The following DNER variants were observed in gnomAD, a reference collection of about 807,000 sequenced individuals.
DNER encodes delta and Notch-like epidermal growth factor-related receptor.
DNER carries 33 observed loss-of-function variants against 78.2 expected under a neutral mutation model. The ratio of observed to expected loss-of-function variants is 0.42; its 90% CI spans 0.32 to 0.56. The LOEUF (loss-of-function observed/expected upper bound fraction) is 0.56, where lower values mean the gene tolerates loss of function less well. DNER is among the 20% of genes least tolerant of loss of function. The pLI, the probability that DNER is intolerant of heterozygous loss-of-function variation, is 0.11. For missense variants in DNER, 918 were observed against 975.3 expected, an observed-to-expected ratio of 0.94 and a Z score of 0.78; for synonymous variants, 417 against 384.8, an observed-to-expected ratio of 1.08 and a Z score of -0.98.
chr2:229,448,324 G>A (rs1292337208), intron 7 of DNER, among the ~76,000 whole-genome samples: 1 of 152,210 alleles, frequency 6.6e-6, no homozygotes, highest in Non-Finnish European at 1.5e-5. Context: ...AAGCAAATCT[G>A]TAGATACAGA....
intron 6 of DNER, among the ~76,000 whole-genome samples, chr2:229,482,893 C>A (rs1239314156): frequency 6.6e-6 from 1 of 151,992 alleles, no homozygotes; most frequent in Non-Finnish European, 1.5e-5. Context: ...ATCTCTAGAA[C>A]CAGGTAGGGA....
At chr2:229,592,736 G>A (rs144033573) in intron 1 of DNER, among the ~76,000 whole-genome samples, 1 of 152,116 alleles carries the variant, frequency 6.6e-6, no homozygotes, top group African/African-American at 2.4e-5. Flanking sequence ...ATAGCGCAAG[G>A]GTTCAGTCAT....
intron 8 of DNER, among the ~76,000 whole-genome samples, chr2:229,436,843 A>C (rs1461898754): frequency 6.6e-6 from 1 of 152,220 alleles, no homozygotes; most frequent in Non-Finnish European, 1.5e-5. Context: ...CTACAAAAAC[A>C]CACTTAAGTA....
chr2:229,550,773 C>CA (rs1041524216), intron 4 of DNER, among the ~76,000 whole-genome samples: 1 of 150,668 alleles, frequency 6.6e-6, no homozygotes, highest in African/African-American at 2.5e-5. Context: ...GACTCTGTCT[C>CA]AAAAAATAAA....
chr2:229,574,250 A>C (rs1697258084), intron 4 of DNER, among the ~76,000 whole-genome samples: 1 of 152,196 alleles, frequency 6.6e-6, no homozygotes, highest in Non-Finnish European at 1.5e-5. Flanking sequence ...ATTTAACCCA[A>C]ATAAATCATC....
intron 7 of DNER, among the ~76,000 whole-genome samples, chr2:229,466,091 C>A (rs1311620607): frequency 6.6e-6 from 1 of 152,086 alleles, no homozygotes; most frequent in African/African-American, 2.4e-5. Flanking sequence ...ATCCATTCTT[C>A]CCCCCTAAAC....
intron 6 of DNER, among the ~76,000 whole-genome samples, chr2:229,491,760 C>T (rs1400094145): frequency 1.3e-5 from 2 of 152,136 alleles, no homozygotes; most frequent in Non-Finnish European, 2.9e-5. Flanking sequence ...CATCTACTTT[C>T]TCCTTCCCCT....
chr2:229,433,308 A>T (rs775023306), intron 8 of DNER, among the ~76,000 whole-genome samples: 21 of 152,280 alleles, frequency 1.4e-4, no homozygotes, highest in Non-Finnish European at 2.1e-4. Context: ...ACATATGGTC[A>T]GAACATGTAC....
intron 11 of DNER, among the ~76,000 whole-genome samples, chr2:229,367,946 T>C (rs1392926091): frequency 6.6e-6 from 1 of 152,246 alleles, no homozygotes. Flanking sequence ...TGTTATCACC[T>C]ATTCCATATT....
At chr2:229,649,359 C>A (rs1263880258) in intron 1 of DNER, among the ~76,000 whole-genome samples, 1 of 152,184 alleles carries the variant, frequency 6.6e-6, no homozygotes, top group Non-Finnish European at 1.5e-5. Context: ...ATATGTTGTC[C>A]TCCATAGAAA....
At chr2:229,703,503 C>T (rs1699783152) in intron 1 of DNER, among the ~76,000 whole-genome samples, 1 of 152,026 alleles carries the variant, frequency 6.6e-6, no homozygotes, top group African/African-American at 2.4e-5. Context: ...AGATAGGACA[C>T]AAAAAGTACA....
intron 6 of DNER, among the ~76,000 whole-genome samples, chr2:229,496,521 A>T (rs1321039026): frequency 1.3e-5 from 2 of 152,176 alleles, no homozygotes; most frequent in Non-Finnish European, 2.9e-5. Context: ...GGATGCATGA[A>T]TTTTTTTAAG....
chr2:229,674,613 A>G (rs1699271496), intron 1 of DNER, among the ~76,000 whole-genome samples: 1 of 152,130 alleles, frequency 6.6e-6, no homozygotes, highest in South Asian at 2.1e-4. Context: ...TCTCTCTCCC[A>G]GCCACCTTCA....
At chr2:229,707,180 A>ATTTTTTTTTTTTTTTTTTTTTTT (rs397868353) in intron 1 of DNER, among the ~76,000 whole-genome samples, 1 of 94,610 alleles carries the variant, frequency 1.1e-5, no homozygotes, top group African/African-American at 4.4e-5. Flanking sequence ...CGGCTGGCTA[A>ATTTTTTTTTTTTTTTTTTTTTTT]TTTTTTTTTT....
intron 7 of DNER, among the ~76,000 whole-genome samples, chr2:229,454,397 A>C (rs1694526564): frequency 6.6e-6 from 1 of 152,332 alleles, no homozygotes; most frequent in Non-Finnish European, 1.5e-5. Flanking sequence ...TTCACTAAAG[A>C]GATGATCAAT....
At chr2:229,548,041 C>T (rs1696658906) in intron 4 of DNER, among the ~76,000 whole-genome samples, 1 of 151,976 alleles carries the variant, frequency 6.6e-6, no homozygotes, top group Non-Finnish European at 1.5e-5. Flanking sequence ...AAAAAGTTTC[C>T]TCAGCTCTGT....
chr2:229,367,494 G>A (rs769455396), intron 11 of DNER, among the ~76,000 whole-genome samples: 1 of 152,018 alleles, frequency 6.6e-6, no homozygotes. Flanking sequence ...CCAGCTACTC[G>A]GGAGGCTGAG....
chr2:229,361,776 G>T (rs1307255973), intron 12 of DNER, among the ~76,000 whole-genome samples: 1 of 151,596 alleles, frequency 6.6e-6, no homozygotes, highest in African/African-American at 2.4e-5. Flanking sequence ...AAAATACTCT[G>T]AATACTGTAT....
chr2:229,585,445 G>A (rs1697478372), intron 4 of DNER, among the ~76,000 whole-genome samples: 1 of 152,094 alleles, frequency 6.6e-6, no homozygotes, highest in South Asian at 2.1e-4. Context: ...CAGATCACCT[G>A]AGGTCAGGAT....
Sources: gnomAD v4.1 joint callset for allele counts (sites outside exome capture counted in the v4.1 genomes callset) on GRCh38, gnomAD v4.1.1 for gene constraint, MANE v1.5 for transcripts, NCBI Gene and HGNC (gene_info 2026-07-23, HGNC 2026-07-21) for gene names.